SRSF3: variants seen among roughly 807,000 people sequenced by gnomAD.
SRSF3 encodes serine/arginine-rich splicing factor 3.
For missense variants in SRSF3, 58 were observed against 217.1 expected, an observed-to-expected ratio of 0.27 and a Z score of 4.61; for synonymous variants, 87 against 73.6, an observed-to-expected ratio of 1.18 and a Z score of -0.93.
intron 2 of SRSF3, chr6:36,597,211 T>G (rs1582510329): frequency 7.5e-6 from 4 of 530,304 alleles, no homozygotes; most frequent in Non-Finnish European, 1.3e-5. Context: ...GTTCAAGTGA[T>G]TCTCCTGCCT....
Position 36,604,092 on chromosome 6 carries a change from T to G in SRSF3, c.*2103T>G, listed in dbSNP as rs1194644774. On this transcript the variant is annotated 3_prime_UTR_variant, in exon 6 of 6. Coordinates refer to ENST00000373715, the MANE Select transcript of SRSF3 (RefSeq NM_003017.5). Reference sequence around the variant, plus strand: ...TTGTTAAAAGCTTTGAATTGCACATTTAGATTGTGGCTATTAGGAATTTTT... The same window carrying G: ...TTGTTAAAAGCTTTGAATTGCACATGTAGATTGTGGCTATTAGGAATTTTT... The G allele has an allele frequency of 4.4e-6, 1 of 226,048 alleles. No homozygotes were observed. The highest frequency in any genetic ancestry group is 6.4e-5 in the East Asian group (1 of 15,572). 14.0% of individuals were successfully genotyped at this position (226,048 alleles called of 1,614,324 possible).
At chr6:36,601,029 A>C in intron 3 of SRSF3, 123 bp from the exon 4 acceptor site, 1 of 92,260 alleles carries the variant, frequency 1.1e-5, no homozygotes. Context: ...TTTTTTTTGG[A>C]CGATGGGTGC....
intron 4 of SRSF3, 150 bp from the exon 5 acceptor site, chr6:36,601,558 G>C: frequency 1.4e-6 from 1 of 718,392 alleles, no homozygotes; most frequent in Non-Finnish European, 2.3e-6. Flanking sequence ...TGTCCAATCT[G>C]TTCTCAAACT....
intron 1 of SRSF3, among the ~76,000 whole-genome samples, chr6:36,595,580 T>G (rs1398334383): frequency 1.3e-5 from 2 of 152,216 alleles, no homozygotes; most frequent in Admixed American, 1.3e-4. Flanking sequence ...TATTTAGTAT[T>G]TATGGAATCG....
At chr6:36,598,077 T>C (rs1778661849) in intron 2 of SRSF3, among the ~76,000 whole-genome samples, 1 of 152,168 alleles carries the variant, frequency 6.6e-6, no homozygotes, top group South Asian at 2.1e-4. Flanking sequence ...TGTCTTGAAC[T>C]GATTTTTTAC....
intron 3 of SRSF3, chr6:36,600,190 C>A: frequency 9.4e-7 from 1 of 1,065,558 alleles, no homozygotes; most frequent in South Asian, 2.9e-5. Flanking sequence ...AACGCAACAT[C>A]TGGCAAAACC....
In SRSF3 at chr6:36,603,155, C is replaced by T. The variant is rs940822199; in HGVS notation, c.*1166C>T. On this transcript the variant is annotated 3_prime_UTR_variant, in exon 6 of 6. Transcript: ENST00000373715. ...CCAACATTTTAAAGTATAGCAGCAA[C>T]CTGGTTCTTAAACACAAAGTAAGTT... is the stretch of plus-strand genomic sequence containing the variant. 2 of 223,548 alleles carry T rather than the reference C, an allele frequency of 8.9e-6. No individual in the cohort carries two copies. Among genetic ancestry groups the T allele is most frequent in the East Asian group, 6.5e-5 (1 of 15,380 alleles). The allele number at this position is 223,548 out of a possible 1,614,324, so 13.8% of individuals were successfully genotyped here. A position where few individuals can be genotyped will look rare whatever the true frequency, so the allele number is the denominator to read the frequency against.
In SRSF3 at chr6:36,604,054, T is replaced by C. The variant is rs553654223; in HGVS notation, c.*2065T>C. 1.3e-5 allele frequency: 3 copies of C among 229,246 alleles called. No homozygotes were observed. The highest frequency in any genetic ancestry group is 1.1e-4 in the Admixed American group (2 of 17,670). 14.2% of individuals were successfully genotyped at this position (229,246 alleles called of 1,614,324 possible). A position where few individuals can be genotyped will look rare whatever the true frequency, so the allele number is the denominator to read the frequency against. ...ATAACCTCAAGACTCTTAGAAACTT[T>C]AGAACATGGAAATTGTTAAAAGCTT... is the stretch of plus-strand genomic sequence containing the variant. On this transcript the variant is annotated 3_prime_UTR_variant, in exon 6 of 6. Transcript: ENST00000373715.
chr6:36,601,051 C>A, intron 3 of SRSF3, 101 bp from the exon 4 acceptor site: 1 of 419,822 alleles, frequency 2.4e-6, no homozygotes. Flanking sequence ...AGTTCTTCGG[C>A]ACATTCACTG....
chr6:36,601,056 TCA>T (rs1358677418), intron 3 of SRSF3, 94 bp from the exon 4 acceptor site: 1 of 628,676 alleles, frequency 1.6e-6, no homozygotes, highest in Non-Finnish European at 2.4e-6. Flanking sequence ...TTCGGCACAT[TCA>T]CTGGGCCCAA....
rs914977014 is a variant in SRSF3, at chr6:36,604,143, G to A, written c.*2154G>A. The A allele has an allele frequency of 4.5e-6, 1 of 222,594 alleles. No individual in the cohort carries two copies. The highest frequency in any genetic ancestry group is 2.2e-5 in the African/African-American group (1 of 44,714). 13.8% of individuals were successfully genotyped at this position (222,594 alleles called of 1,614,324 possible). A position where few individuals can be genotyped will look rare whatever the true frequency, so the allele number is the denominator to read the frequency against. ...AAAGTTGTAATTCCTAAAATAACAGGTCACACTAACCGGTCTTGTCCATAT... is the reference window on the plus strand; with the variant it reads ...AAAGTTGTAATTCCTAAAATAACAGATCACACTAACCGGTCTTGTCCATAT... On this transcript the variant is annotated 3_prime_UTR_variant, in exon 6 of 6. Transcript: ENST00000373715.
Position 36,604,087 on chromosome 6 carries a change from C to T in SRSF3, c.*2098C>T, listed in dbSNP as rs1326389533. The T allele has an allele frequency of 1.3e-5, 3 of 226,440 alleles. No homozygotes were observed. Among genetic ancestry groups the T allele is most frequent in the Non-Finnish European group, 2.6e-5 (3 of 114,006 alleles). 14.0% of individuals were successfully genotyped at this position (226,440 alleles called of 1,614,324 possible). A position where few individuals can be genotyped will look rare whatever the true frequency, so the allele number is the denominator to read the frequency against. ...GGAAATTGTTAAAAGCTTTGAATTG[C>T]ACATTTAGATTGTGGCTATTAGGAA... On this transcript the variant is annotated 3_prime_UTR_variant, in exon 6 of 6. Coordinates refer to ENST00000373715, the MANE Select transcript of SRSF3 (RefSeq NM_003017.5).
intron 3 of SRSF3, chr6:36,599,406 T>C (rs1778682761): frequency 5.2e-6 from 1 of 192,808 alleles, no homozygotes; most frequent in Non-Finnish European, 1.1e-5. Context: ...ACTGGTAAAG[T>C]AGAAATCATT....
At chr6:36,599,289 C>T (rs1391824566) in intron 3 of SRSF3, 2 of 281,406 alleles carry the variant, frequency 7.1e-6, no homozygotes, top group Non-Finnish European at 1.4e-5. Context: ...TTTCTTGGCT[C>T]CATAATGACA....
Position 36,603,076 on chromosome 6 carries a change from A to AT in SRSF3, c.*1101dup, listed in dbSNP as rs530711656. 0.025 allele frequency: 4,950 copies of AT among 195,648 alleles called. No homozygotes were observed. The highest frequency in any genetic ancestry group is 0.05 in the East Asian group (650 of 12,892). 12.1% of individuals were successfully genotyped at this position (195,648 alleles called of 1,614,324 possible). A position where few individuals can be genotyped will look rare whatever the true frequency, so the allele number is the denominator to read the frequency against. On this transcript the variant is annotated 3_prime_UTR_variant, in exon 6 of 6. Transcript: ENST00000373715. ...ATGTCACCTAAGTGATAGTTAACCC[A>AT]TTTTTTTTTTTTTTAGGCATAGAAG...
In SRSF3 at chr6:36,602,703, GA is replaced by G; in HGVS notation, c.*715del. The stretch of plus-strand genomic sequence containing the variant: ...AGCCGAACTTTGAGTTACTGTGCAA[GA>G]TTTTTTTTTCATGCTGTCATTTGTA... On this transcript the variant is annotated 3_prime_UTR_variant, in exon 6 of 6. Transcript: ENST00000373715. 1 of 212,110 alleles carries G rather than the reference GA, an allele frequency of 4.7e-6. No homozygotes were observed. Among genetic ancestry groups the G allele is most frequent in the South Asian group, 1.9e-4 (1 of 5,338 alleles). 13.1% of individuals were successfully genotyped at this position (212,110 alleles called of 1,614,324 possible).
In SRSF3 at chr6:36,601,690, G is replaced by GT. The variant is rs778104958; in HGVS notation, c.381-11dup. ...TTTATCATACCTCATTGGTCCTAAT[G>GT]TTTTTTTGCTTGTTTAGGTCCCTTT... On this transcript the variant is annotated splice_polypyrimidine_tract_variant and intron_variant, in intron 4 of 5. Coordinates refer to ENST00000373715, the MANE Select transcript of SRSF3 (RefSeq NM_003017.5). 62 of 1,581,482 alleles carry GT rather than the reference G, an allele frequency of 3.9e-5. No homozygotes were observed. The highest frequency in any genetic ancestry group is 6.7e-5 in the African/African-American group (5 of 74,252).
intron 1 of SRSF3, 82 bp from the exon 2 acceptor site, chr6:36,596,679 C>A: frequency 7.8e-7 from 1 of 1,277,442 alleles, no homozygotes; most frequent in Non-Finnish European, 1.1e-6. Flanking sequence ...CTTGTCCTCT[C>A]TAATGGAGTT....
intron 3 of SRSF3, chr6:36,600,879 A>G (rs1179747064): frequency 1.9e-5 from 6 of 318,928 alleles, no homozygotes; most frequent in African/African-American, 4.4e-5. Flanking sequence ...GAAGTTTTGC[A>G]TTGGACAGAT....
Sources: allele counts gnomAD v4.1 joint callset (sites outside exome capture counted in the v4.1 genomes callset), GRCh38; gene constraint gnomAD v4.1.1; transcripts MANE v1.5; gene names NCBI Gene and HGNC (gene_info 2026-07-23, HGNC 2026-07-21).